OR9Q1: variants seen among roughly 807,000 people sequenced by gnomAD.
OR9Q1 encodes the protein olfactory receptor 9Q1.
For synonymous variants in OR9Q1, 153 were observed against 148.6 expected (o/e 1.03, Z -0.22); for missense variants, 374 against 378.8 (o/e 0.99, Z 0.11).
Position 58,042,742 on chromosome 11 carries a change from G to A in OR9Q1, c.-92-13128G>A, listed in dbSNP as rs11229227. 2.0e-5 allele frequency among the ~76,000 whole-genome samples: 3 copies of A among 152,262 alleles called. No homozygotes were observed. The East Asian group carries it at 5.8e-4, about 29-fold the overall frequency. On this transcript the variant is annotated intron_variant, in intron 1 of 2. Coordinates refer to ENST00000335397, the MANE Select transcript of OR9Q1 (RefSeq NM_001005212.4). The stretch of plus-strand genomic sequence containing the variant: ...ATCTATAAATGACCTTGGGCAGTAT[G>A]GCCATTTTCACGATATTGATTCTTC...
At chr11:58,131,251 G>A (rs771932252) in intron 2 of OR9Q1, among the ~76,000 whole-genome samples, 3 of 152,164 alleles carry the variant, frequency 2.0e-5, no homozygotes, top group African/African-American at 4.8e-5. Flanking sequence ...GTGGGGAGCT[G>A]GCCTGTGTGG....
chr11:58,087,291 G>A (rs998476995), intron 2 of OR9Q1, among the ~76,000 whole-genome samples: 1 of 151,500 alleles, frequency 6.6e-6, no homozygotes, highest in Non-Finnish European at 1.5e-5. Context: ...CCTCTCTTGT[G>A]CACCCTTCCA....
chr11:58,025,868 G>A (rs1261068305), intron 1 of OR9Q1, among the ~76,000 whole-genome samples: 1 of 152,032 alleles, frequency 6.6e-6, no homozygotes, highest in Non-Finnish European at 1.5e-5. Flanking sequence ...ACTTCCACCT[G>A]TCTCTCCCCT....
intron 2 of OR9Q1, among the ~76,000 whole-genome samples, chr11:58,164,605 C>T (rs989959338): frequency 6.6e-6 from 1 of 152,094 alleles, no homozygotes; most frequent in African/African-American, 2.4e-5. Context: ...CAAAGCAAAC[C>T]TTCTTTACTT....
intron 2 of OR9Q1, chr11:58,109,045 A>G (rs1389323217): frequency 4.3e-6 from 2 of 462,726 alleles, no homozygotes; most frequent in South Asian, 3.1e-5. Context: ...GGCTAGGAAC[A>G]TGCATTTTGC....
At chr11:58,177,725 A>G (rs1444125078) in intron 2 of OR9Q1, among the ~76,000 whole-genome samples, 1 of 152,216 alleles carries the variant, frequency 6.6e-6, no homozygotes, top group Non-Finnish European at 1.5e-5. Flanking sequence ...AAACACTTTC[A>G]CAAAAATAAA....
At chr11:58,088,203 T>G (rs987343939) in intron 2 of OR9Q1, among the ~76,000 whole-genome samples, 1 of 152,014 alleles carries the variant, frequency 6.6e-6, no homozygotes, top group Non-Finnish European at 1.5e-5. Context: ...TGCCACATTT[T>G]CTTAATGCAG....
chr11:58,090,815 T>C (rs1018090618), intron 2 of OR9Q1, among the ~76,000 whole-genome samples: 34 of 152,218 alleles, frequency 2.2e-4, no homozygotes, highest in African/African-American at 8.0e-4. Flanking sequence ...TGCCTGAATT[T>C]CAGAACTTGT....
intron 1 of OR9Q1, among the ~76,000 whole-genome samples, chr11:58,037,425 A>G (rs1034753957): frequency 1.3e-5 from 2 of 151,766 alleles, no homozygotes; most frequent in African/African-American, 4.8e-5. Flanking sequence ...CAGGCACCTG[A>G]CCTGAGTAGA....
At chr11:58,121,709 G>A (rs1174016754) in intron 2 of OR9Q1, among the ~76,000 whole-genome samples, 1 of 152,160 alleles carries the variant, frequency 6.6e-6, no homozygotes, top group Non-Finnish European at 1.5e-5. Context: ...AAATTAGATT[G>A]TTAAGAAACT....
chr11:58,031,624 C>T, intron 1 of OR9Q1: 1 of 1,609,104 alleles, frequency 6.2e-7, no homozygotes, highest in South Asian at 1.1e-5. Context: ...CCTATGGCAA[C>T]ATCGTCTGGA....
At chr11:58,043,044 G>T (rs1180505564) in intron 1 of OR9Q1, among the ~76,000 whole-genome samples, 1 of 152,056 alleles carries the variant, frequency 6.6e-6, no homozygotes, top group Non-Finnish European at 1.5e-5. Flanking sequence ...AGGAGATTTT[G>T]GGCTGAGACA....
Position 58,057,226 on chromosome 11 carries a change from TAA to T in OR9Q1, c.-15+1280_-15+1281del, listed in dbSNP as rs1483825560. 2.6e-5 allele frequency among the ~76,000 whole-genome samples: 4 copies of T among 152,140 alleles called. No individual in the cohort carries two copies. The East Asian group carries it at 7.8e-4, about 29-fold the overall frequency. On this transcript the variant is annotated intron_variant, in intron 2 of 2. Transcript: ENST00000335397. ...CAGGCTGGTCTTGAACTCCTGACGC[TAA>T]GTGATCCACCTGCTTCCCAAAGTGC...
chr11:58,178,942 A>C (rs11229272), intron 2 of OR9Q1, among the ~76,000 whole-genome samples: 1 of 92,084 alleles, frequency 1.1e-5, no homozygotes. Flanking sequence ...ATTTATATAT[A>C]ATATATATTT....
chr11:58,058,060 T>C (rs1394710457), intron 2 of OR9Q1, among the ~76,000 whole-genome samples: 1 of 152,190 alleles, frequency 6.6e-6, no homozygotes, highest in Non-Finnish European at 1.5e-5. Context: ...CCACACTGCC[T>C]CTCTGCTAGT....
At chr11:58,137,086 G>A (rs953832882) in intron 2 of OR9Q1, among the ~76,000 whole-genome samples, 6 of 152,168 alleles carry the variant, frequency 3.9e-5, no homozygotes, top group Non-Finnish European at 7.4e-5. Context: ...TGATGATTCC[G>A]ATTATTCTGA....
intron 2 of OR9Q1, among the ~76,000 whole-genome samples, chr11:58,160,686 G>T (rs1854448886): frequency 6.6e-6 from 1 of 152,092 alleles, no homozygotes; most frequent in Admixed American, 6.6e-5. Flanking sequence ...TGTCCAGCCT[G>T]ATATATATAT....
At chr11:58,142,514 G>A (rs1282382690) in intron 2 of OR9Q1, among the ~76,000 whole-genome samples, 1 of 152,090 alleles carries the variant, frequency 6.6e-6, no homozygotes, top group East Asian at 1.9e-4. Flanking sequence ...ATTCAGTGGG[G>A]GAAAAAACTC....
intron 1 of OR9Q1, chr11:58,031,603 CATTGCTGTGTCCT>C (rs769647110): frequency 1.2e-6 from 2 of 1,613,838 alleles, no homozygotes; most frequent in Admixed American, 3.3e-5. Flanking sequence ...CCTCTATGGT[CATTGCTGTGTCCT>C]ATGGCAACAT....
Sources: allele counts gnomAD v4.1 joint callset (sites outside exome capture counted in the v4.1 genomes callset), GRCh38; gene constraint gnomAD v4.1.1; transcripts MANE v1.5; gene names NCBI Gene and HGNC (gene_info 2026-07-23, HGNC 2026-07-21).